The following OSBPL10 variants were observed in gnomAD, a reference collection of about 807,000 sequenced individuals.
The protein encoded by OSBPL10 is oxysterol-binding protein-related protein 10.
In OSBPL10, 49 loss-of-function variants were observed where a neutral mutation model predicts 81.7. The ratio of observed to expected loss-of-function variants is 0.60; its 90% CI spans 0.48 to 0.76. The LOEUF is 0.76. Ranked by LOEUF, OSBPL10 falls within the 30% of genes least tolerant of loss-of-function variation. OSBPL10 has a pLI of 0.00. For missense variants in OSBPL10, 923 were observed against 987.8 expected, an observed-to-expected ratio of 0.93 and a Z score of 0.88; for synonymous variants, 419 against 383.6, an observed-to-expected ratio of 1.09 and a Z score of -1.08.
chr3:32,075,107 C>T (rs978823270), intron 1 of OSBPL10, among the ~76,000 whole-genome samples: 1 of 152,176 alleles, frequency 6.6e-6, no homozygotes, highest in African/African-American at 2.4e-5. Context: ...GCATTTCAAC[C>T]TCTGTCACAA....
chr3:31,794,847 G>A (rs577867577), intron 4 of OSBPL10: 7 of 374,772 alleles, frequency 1.9e-5, no homozygotes, highest in South Asian at 1.8e-4. Context: ...GGGCATGTGG[G>A]AAAAAACTGG....
chr3:31,732,581 C>A (rs905176206), intron 6 of OSBPL10: 1 of 152,350 alleles, frequency 6.6e-6, no homozygotes, highest in Non-Finnish European at 1.5e-5. Flanking sequence ...ACTCAGGACA[C>A]AAAATAAAAT....
chr3:32,022,799 G>A (rs997199614), intron 2 of OSBPL10, among the ~76,000 whole-genome samples: 7 of 152,034 alleles, frequency 4.6e-5, no homozygotes, highest in Admixed American at 2.0e-4. Flanking sequence ...TCTGATTTGC[G>A]ATTAAAGGAC....
intron 1 of OSBPL10, among the ~76,000 whole-genome samples, chr3:31,896,739 GGAA>G (rs1696071793): frequency 6.6e-6 from 1 of 152,202 alleles, no homozygotes; most frequent in Non-Finnish European, 1.5e-5. Flanking sequence ...GTCACCTCTG[GGAA>G]GAAGAATGGT....
In OSBPL10 at chr3:31,661,882, C is replaced by G; in HGVS notation, c.*190G>C. On this transcript the variant is annotated 3_prime_UTR_variant, in exon 12 of 12. Coordinates refer to ENST00000396556, the MANE Select transcript of OSBPL10 (RefSeq NM_017784.5). ...GTACACACACGTGCCCCGAATGGCT[C>G]TTGAATAAATTCATTCCTCTAGCAG... 1.3e-6 allele frequency: 1 copy of G among 795,394 alleles called. No homozygotes were observed. The highest frequency in any genetic ancestry group is 1.9e-6 in the Non-Finnish European group (1 of 520,602). 49.3% of individuals were successfully genotyped at this position (795,394 alleles called of 1,614,324 possible). A position where few individuals can be genotyped will look rare whatever the true frequency, so the allele number is the denominator to read the frequency against.
At chr3:31,792,858 C>CTGTGTGTG (rs1491358894) in intron 4 of OSBPL10, among the ~76,000 whole-genome samples, 1 of 85,952 alleles carries the variant, frequency 1.2e-5, no homozygotes, top group Non-Finnish European at 2.4e-5. Context: ...TATCTAGGCA[C>CTGTGTGTG]TCTGTGTGTG....
At chr3:31,871,701 T>C (rs1292679615) in intron 3 of OSBPL10, among the ~76,000 whole-genome samples, 1 of 152,128 alleles carries the variant, frequency 6.6e-6, no homozygotes, top group Non-Finnish European at 1.5e-5. Context: ...AGAAACCCTG[T>C]TTCTACAAAA....
chr3:31,980,876 G>T lies in OSBPL10; in HGVS notation c.281+23C>A, dbSNP rs757195208. 4 of 1,546,992 alleles carry T rather than the reference G, an allele frequency of 2.6e-6. No individual in the cohort carries two copies. In the African/African-American group the frequency reaches 4.2e-5, roughly 16 times the overall value. On this transcript the variant is annotated intron_variant, in intron 1 of 11. Coordinates refer to ENST00000396556, the MANE Select transcript of OSBPL10 (RefSeq NM_017784.5). ...ACACACACACACAGCGGCGCGCGGT[G>T]GCGCGGGCGGCTGGCGCGTTACCTG...
chr3:31,807,714 G>T (rs539015274), intron 4 of OSBPL10, among the ~76,000 whole-genome samples: 30 of 152,266 alleles, frequency 2.0e-4, no homozygotes, highest in African/African-American at 7.0e-4. Flanking sequence ...CTCCAGTCTG[G>T]ATGACTGAGC....
At chr3:31,815,026 C>A (rs1699801213) in intron 4 of OSBPL10, among the ~76,000 whole-genome samples, 1 of 151,948 alleles carries the variant, frequency 6.6e-6, no homozygotes, top group Non-Finnish European at 1.5e-5. Flanking sequence ...AAACTAGCAA[C>A]TTCTGCTCTC....
At chr3:32,069,325 C>T (rs1194343968) in intron 1 of OSBPL10, among the ~76,000 whole-genome samples, 1 of 152,086 alleles carries the variant, frequency 6.6e-6, no homozygotes, top group African/African-American at 2.4e-5. Flanking sequence ...ATGAGCCAGA[C>T]CTCCAGGAAG....
intron 7 of OSBPL10, among the ~76,000 whole-genome samples, chr3:31,699,065 C>G (rs193211225): frequency 1.3e-5 from 2 of 152,196 alleles, no homozygotes; most frequent in African/African-American, 4.8e-5. Context: ...TGAGTGAACA[C>G]GTTACAAATT....
intron 1 of OSBPL10, among the ~76,000 whole-genome samples, chr3:31,946,413 A>AG (rs1197553258): frequency 1.3e-5 from 2 of 151,974 alleles, no homozygotes; most frequent in Admixed American, 6.5e-5. Flanking sequence ...CAAAAAAAAA[A>AG]AAAACCCTTG....
At chr3:31,738,362 A>T (rs773325274) in intron 5 of OSBPL10, among the ~76,000 whole-genome samples, 8 of 151,292 alleles carry the variant, frequency 5.3e-5, no homozygotes, top group Non-Finnish European at 1.2e-4. Flanking sequence ...CCAATCATGG[A>T]AGCAGAAAAA....
intron 2 of OSBPL10, among the ~76,000 whole-genome samples, chr3:31,879,151 A>G (rs1701556692): frequency 6.6e-6 from 1 of 152,148 alleles, no homozygotes; most frequent in South Asian, 2.1e-4. Context: ...AAGGGAAGAA[A>G]GCATACAAAG....
intron 1 of OSBPL10, among the ~76,000 whole-genome samples, chr3:31,947,251 A>T (rs117815408): frequency 2.0e-5 from 3 of 152,290 alleles, no homozygotes; most frequent in East Asian, 1.9e-4. Context: ...TCCCATCTGC[A>T]GAAGTGTAGC....
chr3:31,824,261 G>C (rs1004191542), intron 4 of OSBPL10, among the ~76,000 whole-genome samples: 1 of 152,148 alleles, frequency 6.6e-6, no homozygotes, highest in Non-Finnish European at 1.5e-5. Flanking sequence ...ATAAATGGAT[G>C]CAGGAAGAGC....
chr3:32,026,551 A>G (rs1699415635), intron 2 of OSBPL10, among the ~76,000 whole-genome samples: 1 of 152,146 alleles, frequency 6.6e-6, no homozygotes. Flanking sequence ...ATATGGTTCT[A>G]AAAAAACCCT....
chr3:31,794,596 G>A (rs780512418), intron 4 of OSBPL10: 9 of 355,802 alleles, frequency 2.5e-5, no homozygotes, highest in African/African-American at 8.8e-5. Context: ...GTACTGTGAC[G>A]TGATGCTGAA....
Sources: gnomAD v4.1 joint callset for allele counts (sites outside exome capture counted in the v4.1 genomes callset) on GRCh38, gnomAD v4.1.1 for gene constraint, MANE v1.5 for transcripts, NCBI Gene and HGNC (gene_info 2026-07-23, HGNC 2026-07-21) for gene names.